The following DHX40 variants were observed in gnomAD, a reference collection of about 807,000 sequenced individuals.
DHX40 encodes DEAH-box helicase 40.
DHX40 carries 28 observed loss-of-function variants against 89.6 expected under a neutral mutation model. The observed-to-expected ratio is 0.31, with a 90% CI of 0.23 to 0.43. The LOEUF is 0.43. DHX40 is among the 20% of genes least tolerant of loss of function. The probability of loss-of-function intolerance (pLI) is 1.00; values close to 1 mark genes in which losing one functional copy is unlikely to be tolerated. For synonymous variants in DHX40, 226 were observed against 283.6 expected, an observed-to-expected ratio of 0.80 and a Z score of 2.04; for missense variants, 457 against 844.0, an observed-to-expected ratio of 0.54 and a Z score of 5.68.
intron 17 of DHX40, 52 bp from the exon 18 acceptor site, chr17:59,606,981 A>C (rs1296611406): frequency 6.8e-7 from 1 of 1,479,052 alleles, no homozygotes; most frequent in Non-Finnish European, 9.3e-7. Context: ...TAACATTTCT[A>C]GTACTGAATC....
Position 59,605,541 on chromosome 17 carries a change from T to C in DHX40, c.2067T>C (p.Tyr689=), listed in dbSNP as rs559169845. ...CAAGAATTGTATGCCCAATCCGTTA[T>C]GAATGGGTAAGAGACTTGTTACCCA... ...VYARIVCPIR[Y]EWVRDLLPKL... Residue 689 remains tyrosine (Y), a synonymous_variant, in exon 17 of 18, where the codon TAT becomes TAC. Transcript: ENST00000251241. 1.9e-6 allele frequency: 3 copies of C among 1,614,212 alleles called. No individual in the cohort carries two copies. Among genetic ancestry groups the C allele is most frequent in the Middle Eastern group, 1.6e-4 (1 of 6,062 alleles).
chr17:59,590,242 A>G (rs941630454), intron 12 of DHX40, among the ~76,000 whole-genome samples: 1 of 147,826 alleles, frequency 6.8e-6, no homozygotes, highest in Non-Finnish European at 1.5e-5. Context: ...CATGCAGTGG[A>G]GTAATTTTTT....
intron 13 of DHX40, 112 bp downstream of exon 13, chr17:59,598,963 A>G (rs1217562024): frequency 3.3e-6 from 2 of 600,768 alleles, no homozygotes; most frequent in African/African-American, 1.9e-5. Context: ...TATTGACTTC[A>G]AGGTATTTTG....
chr17:59,575,133 G>T (rs1019163904), intron 6 of DHX40, among the ~76,000 whole-genome samples: 4 of 151,928 alleles, frequency 2.6e-5, no homozygotes, highest in African/African-American at 9.7e-5. Flanking sequence ...TTCCTTTAGA[G>T]ATTTAGGTTT....
rs2048868002 is a variant in DHX40, at chr17:59,575,474, A to G, written c.973+3A>G. On this transcript the variant is annotated splice_donor_region_variant and intron_variant, in intron 7 of 17. Coordinates refer to ENST00000251241, the MANE Select transcript of DHX40 (RefSeq NM_024612.5). ...GTGTTATGGATCAATGACAACAGGTAATTTCTCATTAGAATAGAAAATTTG... is the reference window on the plus strand; with the variant it reads ...GTGTTATGGATCAATGACAACAGGTGATTTCTCATTAGAATAGAAAATTTG... 2 of 1,610,826 alleles carry G rather than the reference A, an allele frequency of 1.2e-6. No homozygotes were observed. Among genetic ancestry groups the G allele is most frequent in the South Asian group, 1.1e-5 (1 of 90,142 alleles).
chr17:59,594,086 C>T (rs2049118033), intron 12 of DHX40, among the ~76,000 whole-genome samples: 1 of 152,108 alleles, frequency 6.6e-6, no homozygotes, highest in Admixed American at 6.5e-5. Context: ...TCAGACATTC[C>T]CTCTCTATTT....
At chr17:59,586,023 T>G in intron 10 of DHX40, 130 bp from the exon 11 acceptor site, 2 of 703,958 alleles carry the variant, frequency 2.8e-6, no homozygotes, top group Non-Finnish European at 4.8e-6. Context: ...TCATATAATT[T>G]TTTTTTAGAA....
At chr17:59,587,169 A>C (rs1204748344) in intron 11 of DHX40, among the ~76,000 whole-genome samples, 1 of 151,488 alleles carries the variant, frequency 6.6e-6, no homozygotes, top group Admixed American at 6.6e-5. Context: ...AAAAAAAAAA[A>C]CGGTAAAATT....
Position 59,599,828 on chromosome 17 carries a change from C to CT in DHX40, c.1806+358dup, listed in dbSNP as rs1299556546. On this transcript the variant is annotated intron_variant, in intron 14 of 17. Transcript: ENST00000251241. ...CCAGTTTTCTCATCCTCCCCCCCAC[C>CT]TTTTTTTTTTTTTGAGATGGAGTCT... is the stretch of plus-strand genomic sequence containing the variant. Among the ~76,000 whole-genome samples the CT allele has an allele frequency of 3.5e-3, 501 of 143,898 alleles. 3 individuals carry two copies. The highest frequency in any genetic ancestry group is 6.3e-3 in the East Asian group (32 of 5,068). The allele number at this position is 143,898 out of a possible 152,430, so 94.4% of individuals were successfully genotyped here.
intron 3 of DHX40, 146 bp from the exon 4 acceptor site, chr17:59,572,970 C>T (rs996068275): frequency 7.8e-6 from 6 of 773,804 alleles, no homozygotes; most frequent in Non-Finnish European, 1.2e-5. Flanking sequence ...AACTTACCAT[C>T]ATTTTGTATA....
intron 11 of DHX40, among the ~76,000 whole-genome samples, chr17:59,586,695 C>T (rs762929546): frequency 1.1e-4 from 16 of 151,186 alleles, no homozygotes; most frequent in Non-Finnish European, 2.4e-4. Flanking sequence ...AGAAACTGCA[C>T]GGTATAATCC....
intron 3 of DHX40, among the ~76,000 whole-genome samples, chr17:59,572,559 A>C (rs2048825385): frequency 6.6e-6 from 1 of 152,136 alleles, no homozygotes; most frequent in African/African-American, 2.4e-5. Context: ...TTATATGTTT[A>C]TTAGAGATGT....
In DHX40 at chr17:59,575,603, A is replaced by G. The variant is rs1259909114; in HGVS notation, c.973+132A>G. On this transcript the variant is annotated intron_variant, in intron 7 of 17. Coordinates refer to ENST00000251241, the MANE Select transcript of DHX40 (RefSeq NM_024612.5). ...CAAACCAGTCTCACCTTTGTAACCC[A>G]CATCCAGATCATGAAACAAATCAGT... The G allele has an allele frequency of 1.0e-5, 7 of 697,386 alleles. 1 individual carries two copies. In the South Asian group the frequency reaches 1.1e-4, roughly 11 times the overall value. The allele number at this position is 697,386 out of a possible 1,614,324, so 43.2% of individuals were successfully genotyped here. A position where few individuals can be genotyped will look rare whatever the true frequency, so the allele number is the denominator to read the frequency against.
intron 8 of DHX40, among the ~76,000 whole-genome samples, chr17:59,577,662 C>T (rs1270892684): frequency 1.3e-5 from 2 of 151,616 alleles, no homozygotes; most frequent in South Asian, 2.1e-4. Flanking sequence ...GCAGTCATAG[C>T]ACACTACAGC....
At chr17:59,591,266 C>G (rs959391559) in intron 12 of DHX40, among the ~76,000 whole-genome samples, 1 of 151,242 alleles carries the variant, frequency 6.6e-6, no homozygotes, top group Admixed American at 6.6e-5. Flanking sequence ...GATCGTGCCA[C>G]TGCACTCCAG....
At chr17:59,593,967 A>C (rs924316067) in intron 12 of DHX40, among the ~76,000 whole-genome samples, 2 of 150,004 alleles carry the variant, frequency 1.3e-5, no homozygotes, top group African/African-American at 2.4e-5. Flanking sequence ...AATTTAAGCC[A>C]GTGATGTTTT....
rs540535336 is a variant in DHX40, at chr17:59,605,944, G to A, written c.2200+270G>A. The A allele has an allele frequency of 2.1e-5, 10 of 473,956 alleles. No individual in the cohort carries two copies. In the East Asian group the frequency reaches 4.1e-4, roughly 19 times the overall value. The allele number at this position is 473,956 out of a possible 1,614,324, so 29.4% of individuals were successfully genotyped here. A position where few individuals can be genotyped will look rare whatever the true frequency, so the allele number is the denominator to read the frequency against. On this transcript the variant is annotated intron_variant, in intron 17 of 17. Coordinates refer to ENST00000251241, the MANE Select transcript of DHX40 (RefSeq NM_024612.5). ...TTCACCAGTGCACTCCAGCCTGGGG[G>A]TGACAGAGTGAGACACTATCTCTAA...
chr17:59,599,017 G>C (rs1385009054), intron 13 of DHX40, among the ~76,000 whole-genome samples, 166 bp downstream of exon 13: 3 of 152,084 alleles, frequency 2.0e-5, no homozygotes. Context: ...TTGCTTAGTA[G>C]GCATTTATTA....
chr17:59,569,705 A>C (rs867109727), intron 2 of DHX40, among the ~76,000 whole-genome samples: 5 of 140,834 alleles, frequency 3.6e-5, no homozygotes, highest in South Asian at 2.1e-4. Context: ...AAAAATATAT[A>C]TATATCTATA....
Sources: gnomAD v4.1 joint callset for allele counts (sites outside exome capture counted in the v4.1 genomes callset) on GRCh38, gnomAD v4.1.1 for gene constraint, MANE v1.5 for transcripts, NCBI Gene and HGNC (gene_info 2026-07-23, HGNC 2026-07-21) for gene names.